The following MAGEC3 variants were observed in gnomAD, a reference collection of about 807,000 sequenced individuals.
MAGEC3 encodes the protein melanoma-associated antigen C3.
A neutral mutation model predicts 35.3 loss-of-function variants in MAGEC3; 34 were observed. That is an observed-to-expected ratio of 0.96 (90% confidence interval 0.73 to 1.28). The LOEUF is 1.28. Among genes scored for constraint, MAGEC3 ranks in the 50% most tolerant of loss-of-function variants. The pLI is 0.00. For missense variants in MAGEC3, 561 were observed against 483.6 expected (o/e 1.16, Z -1.50); for synonymous variants, 202 against 185.6 (o/e 1.09, Z -0.72).
intron 1 of MAGEC3, among the ~76,000 whole-genome samples, chrX:141,854,130 T>G (rs1393675238): frequency 1.8e-5 from 2 of 111,501 alleles, no homozygotes; most frequent in Non-Finnish European, 3.8e-5. Flanking sequence ...ATAGTCATGA[T>G]CTCTGTCTTT....
At chrX:141,893,530 G>T (rs189676111) in intron 4 of MAGEC3, among the ~76,000 whole-genome samples, 1 of 110,417 alleles carries the variant, frequency 9.1e-6, no homozygotes, top group East Asian at 2.9e-4. Context: ...CCCCAACGTT[G>T]AGTGATTCCT....
chrX:141,883,285 G>T (rs181497453), intron 4 of MAGEC3, among the ~76,000 whole-genome samples: 3 of 112,346 alleles, frequency 2.7e-5, no homozygotes, highest in African/African-American at 9.7e-5. Flanking sequence ...CATTTAATTA[G>T]GTTATTTTAA....
intron 1 of MAGEC3, among the ~76,000 whole-genome samples, chrX:141,856,215 G>A (rs2017779730): frequency 9.0e-6 from 1 of 111,513 alleles, no homozygotes; most frequent in African/African-American, 3.3e-5. Flanking sequence ...GCTAGACAAT[G>A]GAGCACATCC....
chrX:141,841,527 A>G (rs2017685715), intron 1 of MAGEC3, among the ~76,000 whole-genome samples: 1 of 111,841 alleles, frequency 8.9e-6, no homozygotes. Context: ...AAAAAATAAG[A>G]AATCAACTGT....
intron 1 of MAGEC3, among the ~76,000 whole-genome samples, chrX:141,842,982 G>A (rs1042052861): frequency 9.8e-5 from 11 of 111,857 alleles, no homozygotes; most frequent in Middle Eastern, 4.7e-3. Context: ...CACACATTGT[G>A]GAGTTCATTA....
intron 1 of MAGEC3, among the ~76,000 whole-genome samples, chrX:141,863,259 G>C (rs2017826542): frequency 9.0e-6 from 1 of 110,966 alleles, no homozygotes; most frequent in Admixed American, 9.6e-5. Context: ...TGATATTCTA[G>C]AACAAGCAAA....
Position 141,865,484 on chromosome X carries a change from C to T in MAGEC3, c.137C>T (p.Ala46Val). 8.3e-7 allele frequency: 1 copy of T among 1,208,530 alleles called. No homozygotes were observed. The highest frequency in any genetic ancestry group is 1.1e-6 in the Non-Finnish European group (1 of 893,800). The change falls in exon 2 of 8, where the codon GCC becomes GTC. Residue 46 changes from alanine (A) to valine (V), a missense_variant. Coordinates refer to ENST00000298296, the MANE Select transcript of MAGEC3 (RefSeq NM_138702.1). ...TGACCTGAGTAGCCCCGGAAAAAGG[C>T]CACAGATAAGGACTATTCTGCCTTT... ...LPPQPQPRKK[A>V]TDKDYSAFHL...
At chrX:141,889,645 T>G in intron 4 of MAGEC3, among the ~76,000 whole-genome samples, 1 of 111,839 alleles carries the variant, frequency 8.9e-6, no homozygotes, top group East Asian at 2.8e-4. Context: ...AGGAGATCCA[T>G]TAGGGCATCT....
At chrX:141,896,719 G>A (rs531931606) in intron 6 of MAGEC3, 163 bp from the exon 7 acceptor site, 1 of 1,211,920 alleles carries the variant, frequency 8.3e-7, no homozygotes, top group East Asian at 3.0e-5. Flanking sequence ...GAGTGTGACA[G>A]AGGACTTGGT....
At chrX:141,841,522 A>G (rs1378010742) in intron 1 of MAGEC3, among the ~76,000 whole-genome samples, 1 of 111,895 alleles carries the variant, frequency 8.9e-6, no homozygotes, top group East Asian at 2.8e-4. Flanking sequence ...AAGTCAAAAA[A>G]TAAGAAATCA....
intron 3 of MAGEC3, among the ~76,000 whole-genome samples, chrX:141,880,197 T>A (rs2017952452): frequency 9.1e-6 from 1 of 109,766 alleles, no homozygotes. Flanking sequence ...GACTGAGGAG[T>A]CACATGTGCA....
rs1233995692 is a variant in MAGEC3, at chrX:141,897,252, C to T, written c.1494C>T (p.Phe498=). The T allele has an allele frequency of 2.3e-5, 28 of 1,210,233 alleles. No individual in the cohort carries two copies. Among genetic ancestry groups the T allele is most frequent in the Non-Finnish European group, 3.0e-5 (27 of 895,249 alleles). The change falls in exon 7 of 8, where the codon TTC becomes TTT. Residue 498 remains phenylalanine (F), a synonymous_variant. Coordinates refer to ENST00000298296, the MANE Select transcript of MAGEC3 (RefSeq NM_138702.1). ...KKYKDYFPMI[F]GKAHEFIELI... ...ATAAGGACTATTTTCCCATGATCTT[C>T]GGGAAAGCCCATGAGTTCATAGAGC...
At chrX:141,853,586 T>C (rs1419351038) in intron 1 of MAGEC3, among the ~76,000 whole-genome samples, 2 of 112,111 alleles carry the variant, frequency 1.8e-5, no homozygotes, top group African/African-American at 6.5e-5. Context: ...AATTTATTTC[T>C]CTTTCTGAGA....
chrX:141,869,365 A>G (rs149481664), intron 2 of MAGEC3, among the ~76,000 whole-genome samples: 1,257 of 112,240 alleles, frequency 0.011, 10 homozygotes, highest in Non-Finnish European at 0.019. Context: ...TAGAGGAACT[A>G]GGCAGAAAGA....
At position 141,892,820 on chromosome X, in the gene MAGEC3, G is replaced by T. The variant is rs186073083; in HGVS notation, c.910-2449G>T. 1.6e-4 allele frequency among the ~76,000 whole-genome samples: 18 copies of T among 111,541 alleles called. No individual in the cohort carries two copies. In the East Asian group the frequency reaches 4.2e-3, roughly 26 times the overall value. On this transcript the variant is annotated intron_variant, in intron 4 of 7. Coordinates refer to ENST00000298296, the MANE Select transcript of MAGEC3 (RefSeq NM_138702.1). ...TTCAGATGCAACACTAAAAGTACCAGCTACCTAAGAAAAAAGAGATAAATT... is the reference window on the plus strand; with the variant it reads ...TTCAGATGCAACACTAAAAGTACCATCTACCTAAGAAAAAAGAGATAAATT...
At position 141,897,656 on chromosome X, in the gene MAGEC3, T is replaced by C. The variant is rs1466892445; in HGVS notation, c.1756T>C (p.Leu586=). 3 of 1,210,368 alleles carry C rather than the reference T, an allele frequency of 2.5e-6. No individual in the cohort carries two copies. Among genetic ancestry groups the C allele is most frequent in the Non-Finnish European group, 3.4e-6 (3 of 895,005 alleles). The change falls in exon 8 of 8, where the codon TTA becomes CTA. Residue 586 remains leucine, a synonymous_variant. Coordinates refer to ENST00000298296, the MANE Select transcript of MAGEC3 (RefSeq NM_138702.1). The part of the protein sequence containing the change: ...GPIQRPAREV[L]EFLSKLSSII... Reference sequence around the variant, plus strand: ...CATTCAGAGGCCAGCAAGAGAAGTCTTAGAGTTTTTATCCAAGCTATCCAG... The same window carrying C: ...CATTCAGAGGCCAGCAAGAGAAGTCCTAGAGTTTTTATCCAAGCTATCCAG...
rs771830909 is a variant in MAGEC3, at chrX:141,897,204, G to A, written c.1446G>A (p.Met482Ile). The change falls in exon 7 of 8, where the codon ATG (methionine) becomes ATA (isoleucine). Residue 482 changes from methionine (M) to isoleucine (I), a missense_variant. Met to Ile is a conservative substitution (Grantham distance 10). Transcript: ENST00000298296. ...AAGAGCCTGTCACAAAGGCAGAGAT[G>A]CTGACGACTGTCATCAAGAAGTATA... ...QTKEPVTKAEMLTTVIKKYKD... is the reference protein window; with the variant it reads ...QTKEPVTKAEILTTVIKKYKD... 1 of 1,211,988 alleles carries A rather than the reference G, an allele frequency of 8.3e-7. No homozygotes were observed. The highest frequency in any genetic ancestry group is 1.1e-6 in the Non-Finnish European group (1 of 895,523).
intron 1 of MAGEC3, among the ~76,000 whole-genome samples, chrX:141,855,793 G>A (rs753096003): frequency 9.0e-6 from 1 of 111,637 alleles, no homozygotes; most frequent in Admixed American, 9.5e-5. Context: ...ATCCATGCAT[G>A]GGGAAAATAA....
intron 4 of MAGEC3, among the ~76,000 whole-genome samples, chrX:141,885,814 G>A (rs1043618633): frequency 1.8e-5 from 2 of 110,791 alleles, no homozygotes; most frequent in African/African-American, 6.6e-5. Flanking sequence ...AATGCTTAGG[G>A]AAATTGGGAG....
Sources: allele counts gnomAD v4.1 joint callset (sites outside exome capture counted in the v4.1 genomes callset), GRCh38; gene constraint gnomAD v4.1.1; transcripts MANE v1.5; gene names NCBI Gene and HGNC (gene_info 2026-07-23, HGNC 2026-07-21).